Variants in MICAL3 observed in about 807,000 individuals in gnomAD.
The protein encoded by MICAL3 is microtubule associated monooxygenase, calponin and LIM domain containing 3.
Under a neutral mutation model 207.4 loss-of-function variants are expected in MICAL3, and 62 were observed. That is an observed-to-expected ratio of 0.30 (90% CI 0.24 to 0.37). MICAL3 has a LOEUF of 0.37. Ranked by LOEUF, MICAL3 falls within the 10% of genes least tolerant of loss-of-function variation. The pLI, the probability that MICAL3 is intolerant of heterozygous loss-of-function variation, is 1.00. For missense variants in MICAL3, 2,368 were observed against 2,635.6 expected, an observed-to-expected ratio of 0.90 and a Z score of 2.22; for synonymous variants, 1,077 against 1,069.3, an observed-to-expected ratio of 1.01 and a Z score of -0.14.
intron 1 of MICAL3, among the ~76,000 whole-genome samples, chr22:17,959,735 G>T (rs1934806906): frequency 6.6e-6 from 1 of 151,996 alleles, no homozygotes; most frequent in African/African-American, 2.4e-5. Context: ...TGTTAGTAAA[G>T]AATTAAGTAG....
chr22:17,979,440 G>A (rs1035137466), intron 1 of MICAL3, among the ~76,000 whole-genome samples: 3 of 152,158 alleles, frequency 2.0e-5, no homozygotes, highest in African/African-American at 7.2e-5. Flanking sequence ...AGCTACTCGG[G>A]AGTGTGAGGC....
intron 27 of MICAL3, chr22:17,815,426 A>C (rs2062094221): frequency 6.6e-6 from 1 of 152,280 alleles, no homozygotes; most frequent in Non-Finnish European, 1.5e-5. Flanking sequence ...CACATTCTCC[A>C]TTCTTTGCTG....
intron 1 of MICAL3, among the ~76,000 whole-genome samples, chr22:17,961,236 G>A (rs1455747757): frequency 6.6e-6 from 1 of 152,168 alleles, no homozygotes; most frequent in Non-Finnish European, 1.5e-5. Flanking sequence ...GCTAAAACAT[G>A]AGGTGTGAGA....
intron 1 of MICAL3, among the ~76,000 whole-genome samples, chr22:18,002,564 C>T (rs560692578): frequency 6.6e-5 from 10 of 152,064 alleles, no homozygotes; most frequent in African/African-American, 2.2e-4. Flanking sequence ...ACCCAGGAGG[C>T]GGAGGTTGAA....
chr22:17,991,068 C>T (rs1921626152), intron 1 of MICAL3, among the ~76,000 whole-genome samples: 1 of 152,242 alleles, frequency 6.6e-6, no homozygotes, highest in Admixed American at 6.5e-5. Context: ...CCACACGGCT[C>T]CTGGCGTGCA....
intron 11 of MICAL3, among the ~76,000 whole-genome samples, chr22:17,893,199 G>T (rs1168254416): frequency 6.6e-6 from 1 of 152,134 alleles, no homozygotes. Context: ...ATCAGGCCCA[G>T]ATCTGGGCCT....
intron 1 of MICAL3, among the ~76,000 whole-genome samples, chr22:17,946,021 A>G (rs1934048839): frequency 6.6e-6 from 1 of 152,208 alleles, no homozygotes; most frequent in Non-Finnish European, 1.5e-5. Flanking sequence ...ATTGAAAGTC[A>G]GGACCGGAAA....
At chr22:17,876,790 TTA>T in intron 16 of MICAL3, 1 of 126,142 alleles carries the variant, frequency 7.9e-6, no homozygotes, top group Non-Finnish European at 1.7e-5. Flanking sequence ...GTTAGGGAGG[TTA>T]GGGAAGTTAT....
intron 19 of MICAL3, chr22:17,862,750 C>T: frequency 1.0e-6 from 1 of 985,496 alleles, no homozygotes; most frequent in Non-Finnish European, 1.2e-6. Context: ...CACCGGGAGG[C>T]AAGGTGCCCT....
chr22:17,978,725 G>T (rs1935768710), intron 1 of MICAL3, among the ~76,000 whole-genome samples: 1 of 151,868 alleles, frequency 6.6e-6, no homozygotes, highest in Non-Finnish European at 1.5e-5. Flanking sequence ...CACCACGTTG[G>T]CTAGGCTGGT....
chr22:17,847,370 C>T (rs1011651619), intron 19 of MICAL3, among the ~76,000 whole-genome samples: 2 of 152,228 alleles, frequency 1.3e-5, no homozygotes, highest in African/African-American at 4.8e-5. Flanking sequence ...GCTGTGTACA[C>T]AGACTGATTC....
Position 17,891,547 on chromosome 22 carries a change from G to A in MICAL3, c.1632C>T (p.Thr544=), listed in dbSNP as rs1930394289. The part of the protein sequence containing the change: ...GYAGVNVTDL[T]MSWKSGLALC... ...GGGCCAAGCCACTTTTCCAGGACAT[G>A]GTGAGATCTGTCACGTTTACCCCTG... Residue 544 remains threonine, a synonymous_variant, in exon 12 of 32, where the codon ACC becomes ACT. Transcript: ENST00000441493. The A allele has an allele frequency of 1.2e-6, 2 of 1,613,948 alleles. No individual in the cohort carries two copies. The highest frequency in any genetic ancestry group is 1.7e-6 in the Non-Finnish European group (2 of 1,179,820).
rs553173661 is a variant in MICAL3, at chr22:17,895,900, T to C, written c.1322+346A>G. Among the ~76,000 whole-genome samples, 25 of 152,298 alleles carry C rather than the reference T, an allele frequency of 1.6e-4. No homozygotes were observed. The South Asian group carries it at 5.2e-3, about 32-fold the overall frequency. On this transcript the variant is annotated intron_variant, in intron 9 of 31. Transcript: ENST00000441493. ...CAGAAAGCAAATCACAGGATTTTTA[T>C]TGCATTTGCAAAAATCTGCTTCAAA...
At chr22:17,821,323 G>C (rs1275516650) in intron 25 of MICAL3, 104 bp downstream of exon 25, 4 of 985,434 alleles carry the variant, frequency 4.1e-6, no homozygotes, top group African/African-American at 1.7e-5. Context: ...GTTAGCCCCA[G>C]TCTTGGTGGG....
chr22:17,830,241 G>A (rs1206521562), intron 21 of MICAL3, among the ~76,000 whole-genome samples: 2 of 152,132 alleles, frequency 1.3e-5, no homozygotes, highest in African/African-American at 4.8e-5. Context: ...GAGTAGTGGT[G>A]TCCAGCCACT....
Position 17,927,258 on chromosome 22 carries a change from A to T in MICAL3, c.-74-20372T>A, listed in dbSNP as rs9617641. ...CATCCACATTGTAACATATACCATG[A>T]CCTCATTCATTTTTATGGCTGAATA... On this transcript the variant is annotated intron_variant, in intron 1 of 31. Coordinates refer to ENST00000441493, the MANE Select transcript of MICAL3 (RefSeq NM_015241.3). 9.0e-3 allele frequency among the ~76,000 whole-genome samples: 1,372 copies of T among 152,240 alleles called. 17 individuals are homozygous for T. Among genetic ancestry groups the T allele is most frequent in the African/African-American group, 0.031 (1,303 of 41,526 alleles).
Position 17,816,698 on chromosome 22 carries a change from G to C in MICAL3, c.5437C>G (p.Arg1813Gly), listed in dbSNP as rs750739956. 1 of 1,552,616 alleles carries C rather than the reference G, an allele frequency of 6.4e-7. No individual in the cohort carries two copies. The highest frequency in any genetic ancestry group is 8.7e-7 in the Non-Finnish European group (1 of 1,147,644). ...DVLEKSSQKSRREPRTYTEEE... is the reference protein window; with the variant it reads ...DVLEKSSQKSGREPRTYTEEE... ...CCTGCCTGACTACCCACCTCTCGCC[G>C]GGACTTCTGTGAGGACTTCTCAAGG... is the stretch of plus-strand genomic sequence containing the variant. The change falls in exon 27 of 32, where the codon CGG becomes GGG. Residue 1813 changes from arginine to glycine, a missense_variant. This residue lies in a region of MICAL3 where 1,770 missense variants were observed against 1,863.2 expected (regional missense o/e 0.95). Coordinates refer to ENST00000441493, the MANE Select transcript of MICAL3 (RefSeq NM_015241.3).
At chr22:17,854,496 C>T (rs191959517) in intron 19 of MICAL3, among the ~76,000 whole-genome samples, 72 of 152,290 alleles carry the variant, frequency 4.7e-4, no homozygotes, top group African/African-American at 1.7e-3. Context: ...GAGTGCAGTA[C>T]ATGGAGGACC....
chr22:17,882,471 G>T (rs1402404995), intron 16 of MICAL3, among the ~76,000 whole-genome samples: 2 of 152,210 alleles, frequency 1.3e-5, no homozygotes, highest in Non-Finnish European at 2.9e-5. Context: ...ATCAGACACA[G>T]GGCCTGGGTA....
Sources: gnomAD v4.1 joint callset for allele counts (sites outside exome capture counted in the v4.1 genomes callset) on GRCh38, gnomAD v4.1.1 for gene constraint, gnomAD v4.1.1 regional missense constraint, MANE v1.5 for transcripts, NCBI Gene and HGNC (gene_info 2026-07-23, HGNC 2026-07-21) for gene names.